ANKRD30BL: variants seen among roughly 807,000 people sequenced by gnomAD.
The protein encoded by ANKRD30BL is putative ankyrin repeat domain-containing protein 30B-like.
A neutral mutation model predicts 18.4 loss-of-function variants in ANKRD30BL; 20 were observed. The ratio of observed to expected loss-of-function variants is 1.09; its 90% CI spans 0.77 to 1.58. The LOEUF (loss-of-function observed/expected upper bound fraction) is 1.58, where lower values mean the gene tolerates loss of function less well. Ranked by LOEUF, ANKRD30BL falls within the 40% of genes most tolerant of loss-of-function variation. The pLI is 0.00. For missense variants in ANKRD30BL, 224 were observed against 268.6 expected (o/e 0.83, Z 1.16); for synonymous variants, 72 against 100.9 (o/e 0.71, Z 1.72).
At chr2:132,216,290 T>C (rs940690919) in intron 1 of ANKRD30BL, among the ~76,000 whole-genome samples, 25 of 152,064 alleles carry the variant, frequency 1.6e-4, no homozygotes, top group Non-Finnish European at 4.4e-5. Context: ...TGAAACTCTC[T>C]TTTTGTAGAA....
At chr2:132,187,180 T>TTTTG (rs1558924470) in intron 1 of ANKRD30BL, among the ~76,000 whole-genome samples, 81 of 140,874 alleles carry the variant, frequency 5.7e-4, no homozygotes, top group African/African-American at 7.3e-4. Context: ...TTGTTTTTTT[T>TTTTG]TTTGTTTGTT....
chr2:132,221,782 C>T (rs1679693908), intron 1 of ANKRD30BL, among the ~76,000 whole-genome samples: 1 of 113,186 alleles, frequency 8.8e-6, no homozygotes, highest in Admixed American at 7.8e-5. Flanking sequence ...GTGAGGAGCC[C>T]CTCTGCCCGG....
chr2:132,237,146 G>C (rs1680171916), intron 1 of ANKRD30BL, among the ~76,000 whole-genome samples: 1 of 150,226 alleles, frequency 6.7e-6, no homozygotes, highest in African/African-American at 2.4e-5. Context: ...GAGGGGTGAG[G>C]GATACCATTG....
chr2:132,207,452 C>T (rs1386574573), intron 1 of ANKRD30BL, among the ~76,000 whole-genome samples: 2 of 152,218 alleles, frequency 1.3e-5, no homozygotes, highest in East Asian at 1.9e-4. Context: ...TTCTAATCTG[C>T]TGGCCAACAA....
intron 1 of ANKRD30BL, among the ~76,000 whole-genome samples, chr2:132,220,364 C>G (rs1454843960): frequency 1.5e-5 from 2 of 134,224 alleles, no homozygotes; most frequent in Non-Finnish European, 3.1e-5. Flanking sequence ...CTCTCCCTCT[C>G]CCTCTCCCTC....
chr2:132,154,100 G>C (rs1302356034), intron 4 of ANKRD30BL, among the ~76,000 whole-genome samples: 1 of 151,998 alleles, frequency 6.6e-6, no homozygotes, highest in African/African-American at 2.4e-5. Flanking sequence ...TGAGTACCTG[G>C]GACTACAGGC....
At chr2:132,198,548 C>T (rs1679025203) in intron 1 of ANKRD30BL, among the ~76,000 whole-genome samples, 1 of 151,622 alleles carries the variant, frequency 6.6e-6, no homozygotes, top group Admixed American at 6.6e-5. Context: ...TGGTCTCCAT[C>T]TCCTGACCTC....
At chr2:132,254,682 C>G (rs1012812351) in intron 1 of ANKRD30BL, among the ~76,000 whole-genome samples, 2 of 152,224 alleles carry the variant, frequency 1.3e-5, no homozygotes, top group Admixed American at 1.3e-4. Flanking sequence ...CAGTGTAGCG[C>G]GCGTGCAGCC....
chr2:132,166,021 A>G (rs1198660331), upstream of ANKRD30BL, among the ~76,000 whole-genome samples: 1 of 152,112 alleles, frequency 6.6e-6, no homozygotes, highest in Non-Finnish European at 1.5e-5. Flanking sequence ...AGTTTCTCAA[A>G]TTATAGATGG....
intron 4 of ANKRD30BL, among the ~76,000 whole-genome samples, chr2:132,153,158 C>A (rs545845577): frequency 6.6e-6 from 1 of 152,218 alleles, no homozygotes; most frequent in South Asian, 2.1e-4. Flanking sequence ...TCTGCCCCCA[C>A]CGCCAATCCT....
chr2:132,219,794 G>A (rs201894577), intron 1 of ANKRD30BL, among the ~76,000 whole-genome samples: 22 of 152,148 alleles, frequency 1.4e-4, no homozygotes, highest in South Asian at 4.2e-4. Flanking sequence ...TATTTGAAGC[G>A]CTTTGAGGAC....
chr2:132,191,811 G>A (rs1444730313), intron 1 of ANKRD30BL, among the ~76,000 whole-genome samples: 2 of 144,742 alleles, frequency 1.4e-5, no homozygotes, highest in Non-Finnish European at 3.0e-5. Flanking sequence ...GCAAGATCTC[G>A]GCTCACTGCA....
chr2:132,213,494 G>A (rs542817835), intron 1 of ANKRD30BL, among the ~76,000 whole-genome samples: 16 of 151,996 alleles, frequency 1.1e-4, no homozygotes, highest in South Asian at 2.1e-4. Context: ...ACAACTAGGC[G>A]GAAGCATTCT....
chr2:132,255,276 C>T (rs1680798447), intron 1 of ANKRD30BL, among the ~76,000 whole-genome samples: 1 of 152,192 alleles, frequency 6.6e-6, no homozygotes, highest in Non-Finnish European at 1.5e-5. Flanking sequence ...TGAATGCCCC[C>T]GGCCGTCCCT....
At chr2:132,254,938 G>C (rs1680782293) in intron 1 of ANKRD30BL, among the ~76,000 whole-genome samples, 2 of 152,294 alleles carry the variant, frequency 1.3e-5, no homozygotes, top group South Asian at 4.1e-4. Context: ...TCCAGGCTGG[G>C]TGAGTTTTCC....
rs1687641094 is a variant in ANKRD30BL at position 132,147,724 on chromosome 2, C to T, written c.*407G>A. On this transcript the variant is annotated 3_prime_UTR_variant, in exon 6 of 6. Transcript: ENST00000409867. ...GCTAGTCCCTACTGTTGTGTCTTTT[C>T]CCTATTGGATAGGGTTGGACTGCAC... The T allele has an allele frequency of 5.9e-6, 1 of 168,990 alleles. No individual in the cohort carries two copies. Among genetic ancestry groups the T allele is most frequent in the African/African-American group, 2.4e-5 (1 of 42,194 alleles). 10.5% of individuals were successfully genotyped at this position (168,990 alleles called of 1,614,324 possible).
chr2:132,221,839 C>G (rs866658631), intron 1 of ANKRD30BL, among the ~76,000 whole-genome samples: 1 of 112,472 alleles, frequency 8.9e-6, no homozygotes, highest in Non-Finnish European at 1.7e-5. Flanking sequence ...GCCCCCCGCC[C>G]GGCCAGCCGC....
chr2:132,199,357 T>A (rs1421605178), intron 1 of ANKRD30BL, among the ~76,000 whole-genome samples: 1 of 151,702 alleles, frequency 6.6e-6, no homozygotes, highest in Non-Finnish European at 1.5e-5. Context: ...AGACTCCGTC[T>A]CAAATAAATA....
At chr2:132,237,831 A>G (rs10188801) in intron 1 of ANKRD30BL, among the ~76,000 whole-genome samples, 16,437 of 151,816 alleles carry the variant, frequency 0.11, 2,934 homozygotes, top group African/African-American at 0.37. Flanking sequence ...AAACTTCCTC[A>G]TGATGTGTGT....
Sources: gnomAD v4.1 joint callset for allele counts (sites outside exome capture counted in the v4.1 genomes callset) on GRCh38, gnomAD v4.1.1 for gene constraint, MANE v1.5 for transcripts, NCBI Gene and HGNC (gene_info 2026-07-23, HGNC 2026-07-21) for gene names.